Variants in NR3C2 observed in about 807,000 individuals in gnomAD.
NR3C2 encodes mineralocorticoid receptor.
Under a neutral mutation model 86.4 loss-of-function variants are expected in NR3C2, and 15 were observed. That is an observed-to-expected ratio of 0.17 (90% CI 0.12 to 0.27). NR3C2 has a LOEUF of 0.27. NR3C2 is among the 10% of genes least tolerant of loss of function. The pLI is 1.00. For synonymous variants in NR3C2, 458 were observed against 450.5 expected, an observed-to-expected ratio of 1.02 and a Z score of -0.21; for missense variants, 960 against 1,195.6, an observed-to-expected ratio of 0.80 and a Z score of 2.91.
intron 2 of NR3C2, among the ~76,000 whole-genome samples, chr4:148,357,603 T>A (rs902433274): frequency 1.3e-5 from 2 of 152,204 alleles, no homozygotes; most frequent in African/African-American, 4.8e-5. Context: ...TTTAAACTTC[T>A]TCCTAGAAGA....
intron 2 of NR3C2, among the ~76,000 whole-genome samples, chr4:148,304,724 G>T (rs983245171): frequency 6.6e-6 from 1 of 152,220 alleles, no homozygotes; most frequent in Non-Finnish European, 1.5e-5. Flanking sequence ...CCTGCTCAGG[G>T]CCTTGTCTGG....
In NR3C2 at chr4:148,321,173, T is replaced by C. The variant is rs1743560959; in HGVS notation, c.1758-61056A>G. Among the ~76,000 whole-genome samples, 3 of 129,890 alleles carry C rather than the reference T, an allele frequency of 2.3e-5. 1 individual carries two copies. The South Asian group carries it at 8.6e-4, about 37-fold the overall frequency. 85.2% of individuals were successfully genotyped at this position (129,890 alleles called of 152,430 possible). A position where few individuals can be genotyped will look rare whatever the true frequency, so the allele number is the denominator to read the frequency against. On this transcript the variant is annotated intron_variant, in intron 2 of 8. Transcript: ENST00000358102. ...TCAGGAGCAGGTTGTTCAGTTTCCATGTAGTTGAGCGGTTTTGAGTGAGAT... is the reference window on the plus strand; with the variant it reads ...TCAGGAGCAGGTTGTTCAGTTTCCACGTAGTTGAGCGGTTTTGAGTGAGAT...
At chr4:148,317,829 A>C in intron 2 of NR3C2, among the ~76,000 whole-genome samples, 1 of 152,198 alleles carries the variant, frequency 6.6e-6, no homozygotes, top group East Asian at 1.9e-4. Flanking sequence ...TGATTATATA[A>C]ATAACCTTAA....
intron 2 of NR3C2, among the ~76,000 whole-genome samples, chr4:148,280,488 TTAA>T (rs1741178014): frequency 1.3e-5 from 2 of 152,158 alleles, no homozygotes; most frequent in African/African-American, 4.8e-5. Context: ...CAAGTATGTA[TTAA>T]TAATAAAATT....
At chr4:148,377,829 G>A (rs956437015) in intron 2 of NR3C2, among the ~76,000 whole-genome samples, 2 of 152,114 alleles carry the variant, frequency 1.3e-5, no homozygotes, top group African/African-American at 4.8e-5. Context: ...GGTGGCAGGT[G>A]GAGAAGAGAT....
chr4:148,252,202 C>A (rs1258496335), intron 3 of NR3C2, among the ~76,000 whole-genome samples: 1 of 152,152 alleles, frequency 6.6e-6, no homozygotes, highest in East Asian at 1.9e-4. Context: ...GTAAAGAGCA[C>A]AAACTCCTCA....
intron 6 of NR3C2, among the ~76,000 whole-genome samples, chr4:148,128,000 G>C (rs965690844): frequency 5.3e-4 from 81 of 152,270 alleles, no homozygotes; most frequent in African/African-American, 1.8e-3. Flanking sequence ...ATGAGAGTTA[G>C]ACAATATTTT....
At chr4:148,091,681 C>T (rs760365096) in intron 8 of NR3C2, among the ~76,000 whole-genome samples, 22 of 152,202 alleles carry the variant, frequency 1.4e-4, no homozygotes, top group South Asian at 2.1e-4. Context: ...ATGTAGTGCA[C>T]GGGTACACAT....
chr4:148,216,601 AACTTT>A (rs1414823168), intron 3 of NR3C2, among the ~76,000 whole-genome samples: 22 of 152,206 alleles, frequency 1.4e-4, no homozygotes, highest in African/African-American at 5.1e-4. Context: ...CCTTACTGGA[AACTTT>A]TCAAAATACT....
rs1271771757 is a variant in NR3C2 at position 148,436,264 on chromosome 4, G to A, written c.597C>T (p.Asn199=). The A allele has an allele frequency of 1.2e-6, 2 of 1,614,178 alleles. No homozygotes were observed. Among genetic ancestry groups the A allele is most frequent in the South Asian group, 2.2e-5 (2 of 91,080 alleles). The part of the protein sequence containing the change: ...EKSPSVCSPL[N]MTSSVCSPAG... ...CAGGGCTGCAAACCGAAGATGTCAT[G>A]TTCAGAGGGCTGCAAACAGACGGGC... The change falls in exon 2 of 9, where the codon AAC becomes AAT. Residue 199 remains asparagine, a synonymous_variant. Transcript: ENST00000358102.
rs571345141 is a variant in NR3C2, at chr4:148,284,323, T to C, written c.1758-24206A>G. Among the ~76,000 whole-genome samples, 16 of 152,154 alleles carry C rather than the reference T, an allele frequency of 1.1e-4. No homozygotes were observed. In the South Asian group the frequency reaches 2.9e-3, roughly 28 times the overall value. ...TATAAGCCTATAAATAGAGGGTTGG[T>C]CTTCTAATTTTTGAGTCTCCAGCAA... is the stretch of plus-strand genomic sequence containing the variant. On this transcript the variant is annotated intron_variant, in intron 2 of 8. Coordinates refer to ENST00000358102, the MANE Select transcript of NR3C2 (RefSeq NM_000901.5).
At chr4:148,227,194 T>G (rs1053494472) in intron 3 of NR3C2, among the ~76,000 whole-genome samples, 3 of 152,320 alleles carry the variant, frequency 2.0e-5, no homozygotes, top group Admixed American at 6.5e-5. Flanking sequence ...CTCTCAGTTT[T>G]TGTTTTCATG....
intron 2 of NR3C2, among the ~76,000 whole-genome samples, chr4:148,301,697 T>C (rs1238214717): frequency 6.6e-6 from 1 of 152,228 alleles, no homozygotes; most frequent in Non-Finnish European, 1.5e-5. Context: ...CTTATGGTAA[T>C]CTGGAATTCT....
chr4:148,130,755 G>A (rs936247148), intron 6 of NR3C2, among the ~76,000 whole-genome samples: 1 of 150,102 alleles, frequency 6.7e-6, no homozygotes, highest in East Asian at 1.9e-4. Context: ...TGAAGTCTCT[G>A]GAATCTCAAG....
chr4:148,341,678 A>C (rs1363183199), intron 2 of NR3C2, among the ~76,000 whole-genome samples: 1 of 152,162 alleles, frequency 6.6e-6, no homozygotes, highest in African/African-American at 2.4e-5. Flanking sequence ...TGATCATTAC[A>C]CATTGTATGC....
Position 148,154,747 on chromosome 4 carries a change from C to G in NR3C2, c.2169G>C (p.Leu723=), listed in dbSNP as rs1734271367. ...GTGAGATTGTGGAGAGCTGAGGAACCAGTGCTGTGTTGACCGAGGGTTCTT... is the reference window on the plus strand; with the variant it reads ...GTGAGATTGTGGAGAGCTGAGGAACGAGTGCTGTGTTGACCGAGGGTTCTT... ...PAKEPSVNTA[L]VPQLSTISRA... is the part of the protein sequence containing the mutation. Residue 723 remains leucine, a synonymous_variant, in exon 5 of 9, where the codon CTG becomes CTC. Coordinates refer to ENST00000358102, the MANE Select transcript of NR3C2 (RefSeq NM_000901.5). The G allele has an allele frequency of 5.7e-6, 9 of 1,590,688 alleles. No individual in the cohort carries two copies. Among genetic ancestry groups the G allele is most frequent in the Non-Finnish European group, 6.8e-6 (8 of 1,170,740 alleles).
intron 2 of NR3C2, among the ~76,000 whole-genome samples, chr4:148,385,022 T>A (rs942613560): frequency 6.6e-6 from 1 of 152,184 alleles, no homozygotes; most frequent in Non-Finnish European, 1.5e-5. Flanking sequence ...AAATGGATAA[T>A]TGCTCCTCTG....
chr4:148,156,682 T>C (rs1393399562), intron 4 of NR3C2, among the ~76,000 whole-genome samples: 2 of 130,604 alleles, frequency 1.5e-5, no homozygotes, highest in Non-Finnish European at 3.6e-5. Flanking sequence ...TGTGGAGAAA[T>C]AGGAACACTT....
chr4:148,399,744 T>C (rs1050436237), intron 2 of NR3C2, among the ~76,000 whole-genome samples: 1 of 151,806 alleles, frequency 6.6e-6, no homozygotes, highest in African/African-American at 2.4e-5. Context: ...ATCACAGATA[T>C]TAATATTTTA....
Sources: allele counts gnomAD v4.1 joint callset (sites outside exome capture counted in the v4.1 genomes callset), GRCh38; gene constraint gnomAD v4.1.1; transcripts MANE v1.5; gene names NCBI Gene and HGNC (gene_info 2026-07-23, HGNC 2026-07-21).